PARD3: variants seen among roughly 807,000 people sequenced by gnomAD.
PARD3 encodes par-3 family cell polarity regulator, also known as partitioning defective 3 homolog.
Under a neutral mutation model 155.4 loss-of-function variants are expected in PARD3, and 75 were observed. The ratio of observed to expected loss-of-function variants is 0.48; its 90% confidence interval spans 0.40 to 0.58. The LOEUF (loss-of-function observed/expected upper bound fraction) is 0.58. PARD3 is among the 20% of genes least tolerant of loss of function. PARD3 has a pLI of 0.00. For synonymous variants in PARD3, 576 were observed against 610.5 expected (o/e 0.94, Z 0.83); for missense variants, 1,642 against 1,721.7 (o/e 0.95, Z 0.82).
At chr10:34,286,408 C>G (rs1000355606) in intron 20 of PARD3, among the ~76,000 whole-genome samples, 3 of 152,206 alleles carry the variant, frequency 2.0e-5, no homozygotes, top group African/African-American at 7.2e-5. Context: ...AGGGGGAAAG[C>G]AAAGCAGAGT....
chr10:34,337,569 T>C, intron 16 of PARD3, 143 bp from the exon 17 acceptor site: 1 of 398,242 alleles, frequency 2.5e-6, no homozygotes. Context: ...ACAAATACAG[T>C]CCATTAAAAA....
chr10:34,648,587 G>A (rs2092915798), intron 2 of PARD3, among the ~76,000 whole-genome samples: 1 of 152,240 alleles, frequency 6.6e-6, no homozygotes, highest in African/African-American at 2.4e-5. Flanking sequence ...CAAAAGGGGC[G>A]TGCAACCTAG....
chr10:34,398,129 G>A (rs905698474), intron 7 of PARD3, among the ~76,000 whole-genome samples: 7 of 152,118 alleles, frequency 4.6e-5, no homozygotes, highest in Admixed American at 6.5e-5. Flanking sequence ...ACCTTGTTAT[G>A]TAACACTACC....
At chr10:34,738,418 C>A (rs1401501190) in intron 1 of PARD3, among the ~76,000 whole-genome samples, 4 of 152,218 alleles carry the variant, frequency 2.6e-5, no homozygotes, top group Non-Finnish European at 4.4e-5. Context: ...CTCAAGGGAT[C>A]TTCTCGTCTT....
At chr10:34,396,136 G>C (rs775605888) in intron 7 of PARD3, among the ~76,000 whole-genome samples, 4 of 152,178 alleles carry the variant, frequency 2.6e-5, no homozygotes, top group Non-Finnish European at 5.9e-5. Context: ...GATCACTTGA[G>C]ATCAAGTGTT....
intron 2 of PARD3, among the ~76,000 whole-genome samples, chr10:34,543,326 T>A (rs2083791862): frequency 6.6e-6 from 1 of 151,736 alleles, no homozygotes; most frequent in South Asian, 2.1e-4. Context: ...TTAACATAAA[T>A]AAAAGAATAA....
At chr10:34,524,569 T>C (rs1225964120) in intron 2 of PARD3, among the ~76,000 whole-genome samples, 1 of 152,130 alleles carries the variant, frequency 6.6e-6, no homozygotes, top group Non-Finnish European at 1.5e-5. Flanking sequence ...CAAACCACAA[T>C]GAAAATATGC....
intron 2 of PARD3, among the ~76,000 whole-genome samples, chr10:34,543,686 T>C (rs957278295): frequency 1.3e-5 from 2 of 152,232 alleles, no homozygotes; most frequent in African/African-American, 2.4e-5. Flanking sequence ...ACAGTCTAAA[T>C]GTTAGCCATT....
At chr10:34,193,904 C>T (rs1013518957) in intron 22 of PARD3, among the ~76,000 whole-genome samples, 24 of 152,290 alleles carry the variant, frequency 1.6e-4, no homozygotes, top group African/African-American at 5.5e-4. Context: ...TCACAAACTA[C>T]GGGGTGCTCC....
At position 34,261,825 on chromosome 10, in the gene PARD3, G is replaced by GAAAGAAAC. The variant is rs1238097146; in HGVS notation, c.3419+7831_3419+7832insGTTTCTTT. 5.6e-3 allele frequency among the ~76,000 whole-genome samples: 784 copies of GAAAGAAAC among 138,884 alleles called. 11 individuals are homozygous for GAAAGAAAC. Among genetic ancestry groups the GAAAGAAAC allele is most frequent in the East Asian group, 0.03 (139 of 4,558 alleles). 91.1% of individuals were successfully genotyped at this position (138,884 alleles called of 152,430 possible). On this transcript the variant is annotated intron_variant, in intron 22 of 24. Transcript: ENST00000374788. Reference sequence around the variant, plus strand: ...AGAAAGAAAGAAAGAAAGAAAGAAAGAAACAAACAAACAAACAAACACACA... The same window carrying GAAAGAAAC: ...AGAAAGAAAGAAAGAAAGAAAGAAAGAAAGAAACAAACAAACAAACAAACAAACACACA...
At chr10:34,648,418 A>T (rs146093038) in intron 2 of PARD3, among the ~76,000 whole-genome samples, 1 of 152,300 alleles carries the variant, frequency 6.6e-6, no homozygotes, top group Admixed American at 6.5e-5. Flanking sequence ...ATTACTTCAC[A>T]ATACTGCAAG....
intron 2 of PARD3, among the ~76,000 whole-genome samples, chr10:34,694,383 C>T (rs1373597853): frequency 6.6e-6 from 1 of 151,654 alleles, no homozygotes; most frequent in Non-Finnish European, 1.5e-5. Context: ...TCAGAGTTAC[C>T]CTAAGCCTGG....
intron 14 of PARD3, 88 bp downstream of exon 14, chr10:34,359,059 C>T: frequency 1.1e-6 from 1 of 919,138 alleles, no homozygotes. Flanking sequence ...ATGTAAGGTC[C>T]TGGAACCTAA....
At chr10:34,191,911 C>G (rs1950728765) in intron 22 of PARD3, among the ~76,000 whole-genome samples, 1 of 152,136 alleles carries the variant, frequency 6.6e-6, no homozygotes, top group Non-Finnish European at 1.5e-5. Context: ...CTCTGTGAGG[C>G]CAGCAAATAG....
At chr10:34,490,425 T>C (rs1054871515) in intron 3 of PARD3, among the ~76,000 whole-genome samples, 7 of 152,024 alleles carry the variant, frequency 4.6e-5, no homozygotes, top group African/African-American at 1.7e-4. Context: ...GGAGAGGGTG[T>C]GTGTACACAA....
intron 1 of PARD3, among the ~76,000 whole-genome samples, chr10:34,752,097 T>C (rs1168268865): frequency 3.9e-5 from 6 of 152,098 alleles, no homozygotes; most frequent in Non-Finnish European, 1.5e-5. Context: ...GATAATTTAG[T>C]CATATTTTCT....
intron 2 of PARD3, among the ~76,000 whole-genome samples, chr10:34,635,861 G>A (rs1369360223): frequency 6.6e-6 from 1 of 152,082 alleles, no homozygotes; most frequent in East Asian, 1.9e-4. Flanking sequence ...GGAAGGTTCT[G>A]GAACTACTTA....
At chr10:34,344,518 T>C (rs1322901370) in intron 15 of PARD3, 2 of 851,758 alleles carry the variant, frequency 2.3e-6, no homozygotes, top group East Asian at 1.2e-4. Flanking sequence ...CTGACCTCAG[T>C]TGATCCACCT....
intron 20 of PARD3, among the ~76,000 whole-genome samples, chr10:34,315,052 A>G (rs1404282727): frequency 6.6e-6 from 1 of 152,216 alleles, no homozygotes; most frequent in Admixed American, 6.5e-5. Context: ...GGGGGAAAAA[A>G]AAACCTTCAG....
Sources: allele counts gnomAD v4.1 joint callset (sites outside exome capture counted in the v4.1 genomes callset), GRCh38; gene constraint gnomAD v4.1.1; transcripts MANE v1.5; gene names NCBI Gene and HGNC (gene_info 2026-07-23, HGNC 2026-07-21).